MASP1: variants seen among roughly 807,000 people sequenced by gnomAD.
MASP1 encodes mannan-binding lectin serine protease 1.
In MASP1, 59 loss-of-function variants were observed where a neutral mutation model predicts 77.1. The observed-to-expected ratio is 0.77, with a 90% CI of 0.62 to 0.95. The LOEUF (loss-of-function observed/expected upper bound fraction) is 0.95, where lower values mean the gene tolerates loss of function less well. MASP1 is among the 40% of genes least tolerant of loss of function. MASP1 has a pLI of 0.00. For synonymous variants in MASP1, 362 were observed against 354.5 expected, an observed-to-expected ratio of 1.02 and a Z score of -0.24; for missense variants, 885 against 912.9, an observed-to-expected ratio of 0.97 and a Z score of 0.39.
At chr3:187,229,885 G>A, downstream of MASP1, 1 of 1,614,130 alleles carries the variant, frequency 6.2e-7, no homozygotes. Context: ...GGAGAACTTG[G>A]GGAGCCCACA....
At chr3:187,229,649 T>C, downstream of MASP1, 10 of 1,400,226 alleles carry the variant, frequency 7.1e-6, no homozygotes, top group Non-Finnish European at 9.9e-6. Context: ...CGCACTGTGC[T>C]TCTGTGCCCT....
downstream of MASP1, chr3:187,229,739 C>G: frequency 6.2e-7 from 1 of 1,613,658 alleles, no homozygotes; most frequent in South Asian, 1.1e-5. Context: ...TTAGCTTCCA[C>G]CCCTTCCACC....
At chr3:187,287,392 C>T (rs1364440203) in intron 1 of MASP1, among the ~76,000 whole-genome samples, 1 of 152,206 alleles carries the variant, frequency 6.6e-6, no homozygotes. Flanking sequence ...CAGAGCTTCC[C>T]AGCTATGGAG....
Position 187,285,980 on chromosome 3 carries a change from A to G in MASP1, c.82T>C (p.Phe28Leu), listed in dbSNP as rs374218929. 15 of 1,614,104 alleles carry G rather than the reference A, an allele frequency of 9.3e-6. No individual in the cohort carries two copies. Among genetic ancestry groups the G allele is most frequent in the Non-Finnish European group, 1.1e-5 (13 of 1,180,048 alleles). ...SAHTVELNNMFGQIQSPGYPD... is the reference protein window; with the variant it reads ...SAHTVELNNMLGQIQSPGYPD... ...TAACCAGGCGACTGGATCTGGCCAA[A>G]CATATTGTTTAGCTCCACGGTGTGG... Residue 28 changes from phenylalanine (F) to leucine (L), a missense_variant, in exon 2 of 11, where the codon TTT becomes CTT. Coordinates refer to ENST00000296280, the MANE Select transcript of MASP1 (RefSeq NM_139125.4).
At position 187,263,222 on chromosome 3, in the gene MASP1, C is replaced by G. The variant is rs569962712; in HGVS notation, c.238-502G>C. The G allele has an allele frequency of 1.8e-4, 31 of 171,976 alleles. No homozygotes were observed. The South Asian group carries it at 3.9e-3, about 22-fold the overall frequency. 10.7% of individuals were successfully genotyped at this position (171,976 alleles called of 1,614,324 possible). ...GTGTTGAGATTGAGGAACACAGACA[C>G]AGGCAGGTATTACACAGTGTGACAA... On this transcript the variant is annotated intron_variant, in intron 2 of 10. Coordinates refer to ENST00000296280, the MANE Select transcript of MASP1 (RefSeq NM_139125.4).
In MASP1 at chr3:187,262,636, G is replaced by T. The variant is rs1476401872; in HGVS notation, c.322C>A (p.Leu108Ile). Residue 108 changes from leucine to isoleucine, a missense_variant, in exon 3 of 11, where the codon CTC becomes ATC. By Grantham distance (5) the Leu-to-Ile change is conservative. Coordinates refer to ENST00000296280, the MANE Select transcript of MASP1 (RefSeq NM_139125.4). ...ATGGACATGAAGGAGCCAGGGGAGA[G>T]GACCACCTCCTGGCCGGGAGTCTGC... is the stretch of plus-strand genomic sequence containing the variant. ...TEQTPGQEVV[L>I]SPGSFMSITF... is the part of the protein sequence containing the mutation. 1 of 1,614,142 alleles carries T rather than the reference G, an allele frequency of 6.2e-7. No individual in the cohort carries two copies.
intron 4 of MASP1, among the ~76,000 whole-genome samples, chr3:187,258,947 T>A (rs748507536): frequency 1.3e-5 from 2 of 152,212 alleles, no homozygotes; most frequent in Non-Finnish European, 2.9e-5. Context: ...CTTTGCTCAG[T>A]TAAACTCTGT....
exon 16 of MASP1, chr3:187,220,011 AGGATCGTCCTCTGCTACT>A: frequency 6.4e-7 from 1 of 1,570,190 alleles, no homozygotes; most frequent in East Asian, 2.2e-5. Flanking sequence ...CTTTCATCGG[AGGATCGTCCTCTGCTACT>A]GACTGCCCAC....
chr3:187,231,521 T>G (rs1488315047), downstream of MASP1, among the ~76,000 whole-genome samples: 1 of 152,248 alleles, frequency 6.6e-6, no homozygotes, highest in Non-Finnish European at 1.5e-5. Context: ...CATTTGAATA[T>G]TTAACAGGTC....
At chr3:187,245,489 C>T (rs564183745) in intron 8 of MASP1, among the ~76,000 whole-genome samples, 4 of 152,258 alleles carry the variant, frequency 2.6e-5, no homozygotes, top group East Asian at 1.9e-4. Flanking sequence ...CCCACTGATA[C>T]AGCTGGCCCT....
At chr3:187,221,099 CTGGCAGGTGCTG>C (rs1479134020) in exon 15 of MASP1, 1 of 1,614,162 alleles carries the variant, frequency 6.2e-7, no homozygotes. Flanking sequence ...CATAAGCCTT[CTGGCAGGTGCTG>C]TGGTCAACAA....
rs376566294 is a variant in MASP1 at position 187,220,496 on chromosome 3, C to CTTT, written c.1910-238_1910-236dup. Among the ~76,000 whole-genome samples, 513 of 127,732 alleles carry CTTT rather than the reference C, an allele frequency of 4.0e-3. 15 individuals are homozygous for CTTT. The highest frequency in any genetic ancestry group is 0.014 in the African/African-American group (463 of 32,716). 83.8% of individuals were successfully genotyped at this position (127,732 alleles called of 152,430 possible). A position where few individuals can be genotyped will look rare whatever the true frequency, so the allele number is the denominator to read the frequency against. On this transcript the variant is annotated intron_variant, in intron 15 of 15. Transcript: ENST00000337774. ...TTTCTTTTCTTTTTCTTTTTTCTTT[C>CTTT]TTTTTTTTTTTTTTTTTGAGATGGA...
intron 12 of MASP1, chr3:187,225,601 C>G: frequency 7.5e-7 from 1 of 1,340,156 alleles, no homozygotes; most frequent in Non-Finnish European, 1.1e-6. Flanking sequence ...CCCCATCCAG[C>G]CCTTGCTTCC....
intron 2 of MASP1, among the ~76,000 whole-genome samples, chr3:187,266,640 A>G (rs1050656614): frequency 6.6e-6 from 1 of 152,182 alleles, no homozygotes; most frequent in Non-Finnish European, 1.5e-5. Flanking sequence ...GGGGTATTCA[A>G]ATCTCAGCTG....
chr3:187,278,502 C>G (rs998536502), intron 2 of MASP1, among the ~76,000 whole-genome samples: 1 of 152,216 alleles, frequency 6.6e-6, no homozygotes, highest in African/African-American at 2.4e-5. Context: ...TGTCTCTGTG[C>G]TCTTTCTACA....
downstream of MASP1, among the ~76,000 whole-genome samples, chr3:187,229,142 T>A (rs1048358357): frequency 6.6e-6 from 1 of 152,236 alleles, no homozygotes; most frequent in Non-Finnish European, 1.5e-5. Context: ...CCAAACTGTG[T>A]CAGGGAGAGC....
intron 7 of MASP1, among the ~76,000 whole-genome samples, chr3:187,251,206 C>G (rs776349297): frequency 6.6e-6 from 1 of 152,118 alleles, no homozygotes; most frequent in African/African-American, 2.4e-5. Flanking sequence ...GTGATCCACC[C>G]GCCTGGGCCT....
intron 5 of MASP1, 68 bp downstream of exon 5, chr3:187,256,596 A>G: frequency 6.8e-7 from 1 of 1,470,528 alleles, no homozygotes; most frequent in South Asian, 1.1e-5. Context: ...AGGTTCCGCA[A>G]TATCAATTTT....
intron 2 of MASP1, among the ~76,000 whole-genome samples, chr3:187,265,689 C>T (rs1715961119): frequency 6.6e-6 from 1 of 152,162 alleles, no homozygotes; most frequent in Admixed American, 6.5e-5. Flanking sequence ...AAGTGACTTG[C>T]TCAAGGCTGG....
Sources: gnomAD v4.1 joint callset for allele counts (sites outside exome capture counted in the v4.1 genomes callset) on GRCh38, gnomAD v4.1.1 for gene constraint, MANE v1.5 for transcripts, NCBI Gene and HGNC (gene_info 2026-07-23, HGNC 2026-07-21) for gene names.